The following NRXN3 variants were observed in gnomAD, a reference collection of about 807,000 sequenced individuals.
NRXN3 encodes neurexin III.
NRXN3 carries 32 observed loss-of-function variants against 137.6 expected under a neutral mutation model. That is an observed-to-expected ratio of 0.23 (90% CI 0.18 to 0.31). The LOEUF (loss-of-function observed/expected upper bound fraction) is 0.31. Ranked by LOEUF, NRXN3 falls within the 10% of genes least tolerant of loss-of-function variation. The pLI is 1.00. For missense variants in NRXN3, 1,574 were observed against 2,062.5 expected, an observed-to-expected ratio of 0.76 and a Z score of 4.59; for synonymous variants, 798 against 784.5, an observed-to-expected ratio of 1.02 and a Z score of -0.29.
chr14:79,401,114 A>G (rs1399433255), intron 15 of NRXN3, among the ~76,000 whole-genome samples: 1 of 152,192 alleles, frequency 6.6e-6, no homozygotes, highest in Non-Finnish European at 1.5e-5. Context: ...TTTGTGCGTG[A>G]TTCAGGAAGG....
At chr14:78,479,481 C>A (rs369877759) in intron 4 of NRXN3, among the ~76,000 whole-genome samples, 1 of 152,104 alleles carries the variant, frequency 6.6e-6, no homozygotes, top group Non-Finnish European at 1.5e-5. Flanking sequence ...GTTTAAGAAA[C>A]GTTGATTTAA....
intron 15 of NRXN3, among the ~76,000 whole-genome samples, chr14:79,322,524 T>C (rs1254594089): frequency 6.6e-6 from 1 of 151,262 alleles, no homozygotes; most frequent in East Asian, 1.9e-4. Flanking sequence ...CATGAAGTTA[T>C]TAATTTTTTT....
intron 16 of NRXN3, among the ~76,000 whole-genome samples, chr14:79,503,995 G>C (rs1366282513): frequency 6.6e-6 from 1 of 152,196 alleles, no homozygotes. Context: ...ATAGCTACCA[G>C]TCTAACCTGG....
chr14:79,770,356 T>C (rs1377697523), intron 19 of NRXN3, among the ~76,000 whole-genome samples: 2 of 150,770 alleles, frequency 1.3e-5, no homozygotes, highest in African/African-American at 2.4e-5. Flanking sequence ...TATTCCAAAA[T>C]TGACCACATA....
intron 4 of NRXN3, among the ~76,000 whole-genome samples, chr14:78,336,939 G>T (rs1052546719): frequency 1.3e-5 from 2 of 152,104 alleles, no homozygotes; most frequent in Non-Finnish European, 2.9e-5. Context: ...GCAAATTTTG[G>T]TAGACTTTGG....
At chr14:78,948,942 C>T (rs951850447) in intron 10 of NRXN3, among the ~76,000 whole-genome samples, 1 of 152,104 alleles carries the variant, frequency 6.6e-6, no homozygotes, top group Non-Finnish European at 1.5e-5. Flanking sequence ...AGCTGTATGA[C>T]CTTGACAGGT....
chr14:78,659,751 C>T (rs189491203), intron 6 of NRXN3, among the ~76,000 whole-genome samples: 4 of 149,206 alleles, frequency 2.7e-5, no homozygotes, highest in East Asian at 2.0e-4. Flanking sequence ...TTGGCAATGT[C>T]GGGTGATTCA....
chr14:78,516,757 A>AT (rs1394661541), intron 4 of NRXN3, among the ~76,000 whole-genome samples: 8 of 152,088 alleles, frequency 5.3e-5, no homozygotes, highest in South Asian at 4.1e-4. Flanking sequence ...TATTTGAGAG[A>AT]TTTTTTTGAG....
At position 79,861,163 on chromosome 14, in the gene NRXN3, C is replaced by G; in HGVS notation, c.4094-179C>G. On this transcript the variant is annotated intron_variant, in intron 20 of 20. Coordinates refer to ENST00000335750, the MANE Select transcript of NRXN3 (RefSeq NM_001330195.2). The surrounding 1 kb of genome is among the most constrained non-coding windows in gnomAD (Gnocchi z 5.4). ...CCCTCCTCACCATTATTGAGACCAC[C>G]AAAGATTCCCTGTCCATGACCTCTG... is the stretch of plus-strand genomic sequence containing the variant. The G allele has an allele frequency of 6.5e-7, 1 of 1,530,050 alleles. No homozygotes were observed. Among genetic ancestry groups the G allele is most frequent in the Non-Finnish European group, 8.7e-7 (1 of 1,144,220 alleles). 94.8% of individuals were successfully genotyped at this position (1,530,050 alleles called of 1,614,324 possible).
chr14:79,651,057 T>C (rs2098473412), intron 16 of NRXN3, among the ~76,000 whole-genome samples: 1 of 152,240 alleles, frequency 6.6e-6, no homozygotes, highest in Admixed American at 6.5e-5. Flanking sequence ...GGGAATCACG[T>C]GGTTCAATTA....
intron 4 of NRXN3, among the ~76,000 whole-genome samples, chr14:78,483,411 A>G (rs1367000896): frequency 6.6e-6 from 1 of 152,224 alleles, no homozygotes; most frequent in Non-Finnish European, 1.5e-5. Context: ...GAGACTTAGC[A>G]GTTACGGAAA....
chr14:79,304,482 T>C (rs2085695337), intron 15 of NRXN3, among the ~76,000 whole-genome samples: 1 of 152,038 alleles, frequency 6.6e-6, no homozygotes, highest in Admixed American at 6.6e-5. Flanking sequence ...GATTCATGAA[T>C]TGGGCAGCTC....
rs1158457139 is a variant in NRXN3, at chr14:79,642,333, G to T, written c.3445-21445G>T. Reference sequence around the variant, plus strand: ...AGCTCTTCTTCTGAAATCCCATTTTGACCAAGCCATCCAAATTATACACTT... The same window carrying T: ...AGCTCTTCTTCTGAAATCCCATTTTTACCAAGCCATCCAAATTATACACTT... On this transcript the variant is annotated intron_variant, in intron 16 of 20. Coordinates refer to ENST00000335750, the MANE Select transcript of NRXN3 (RefSeq NM_001330195.2). Among the ~76,000 whole-genome samples, 2 of 135,320 alleles carry T rather than the reference G, an allele frequency of 1.5e-5. 1 individual carries two copies. Among genetic ancestry groups the T allele is most frequent in the Non-Finnish European group, 3.4e-5 (2 of 58,230 alleles). 88.8% of individuals were successfully genotyped at this position (135,320 alleles called of 152,430 possible). A position where few individuals can be genotyped will look rare whatever the true frequency, so the allele number is the denominator to read the frequency against.
chr14:79,447,781 C>T (rs2096088382), intron 15 of NRXN3, among the ~76,000 whole-genome samples: 1 of 152,228 alleles, frequency 6.6e-6, no homozygotes, highest in Admixed American at 6.5e-5. Flanking sequence ...CCTTCCAAAA[C>T]CGCATAATCC....
intron 10 of NRXN3, among the ~76,000 whole-genome samples, chr14:78,950,688 G>A (rs1210456534): frequency 1.3e-5 from 2 of 152,050 alleles, no homozygotes; most frequent in East Asian, 3.9e-4. Flanking sequence ...GAACGAGGGA[G>A]GTGGGTGGGC....
At chr14:79,511,971 C>T (rs750504525) in intron 16 of NRXN3, among the ~76,000 whole-genome samples, 10 of 152,220 alleles carry the variant, frequency 6.6e-5, no homozygotes, top group Non-Finnish European at 1.0e-4. Flanking sequence ...GCGATCTCAG[C>T]TCACTGCAAC....
At chr14:78,419,374 A>AT (rs1287056504) in intron 4 of NRXN3, among the ~76,000 whole-genome samples, 6 of 151,996 alleles carry the variant, frequency 3.9e-5, no homozygotes, top group African/African-American at 7.3e-5. Context: ...AGTAGCTGGG[A>AT]TTACAGGTGC....
At chr14:79,556,397 A>G (rs941360930) in intron 16 of NRXN3, among the ~76,000 whole-genome samples, 3 of 152,294 alleles carry the variant, frequency 2.0e-5, no homozygotes, top group Admixed American at 2.0e-4. Context: ...TTGAGTACCT[A>G]TTATGTTTTA....
intron 6 of NRXN3, among the ~76,000 whole-genome samples, chr14:78,701,671 C>T (rs867046614): frequency 3.3e-5 from 5 of 152,102 alleles, no homozygotes; most frequent in African/African-American, 7.2e-5. Context: ...CTTTCAGATA[C>T]GCTTTGTTTG....
Sources: gnomAD v4.1 joint callset for allele counts (sites outside exome capture counted in the v4.1 genomes callset) on GRCh38, gnomAD v4.1.1 for gene constraint, Gnocchi (gnomAD v3.1) non-coding constraint, MANE v1.5 for transcripts, NCBI Gene and HGNC (gene_info 2026-07-23, HGNC 2026-07-21) for gene names.